The following FMN1 variants were observed in gnomAD, a reference collection of about 807,000 sequenced individuals.
FMN1 encodes formin 1, also known as formin-1.
In FMN1, 110 loss-of-function variants were observed where a neutral mutation model predicts 132.4. The observed-to-expected ratio is 0.83, with a 90% CI of 0.71 to 0.97. The LOEUF (loss-of-function observed/expected upper bound fraction) is 0.97, where lower values mean the gene tolerates loss of function less well. FMN1 is among the 50% of genes least tolerant of loss of function. The pLI is 0.00. For missense variants in FMN1, 1,792 were observed against 1,705.3 expected (o/e 1.05, Z -0.90); for synonymous variants, 722 against 651.7 (o/e 1.11, Z -1.64).
At chr15:32,889,043 G>A (rs1054632797) in intron 15 of FMN1, among the ~76,000 whole-genome samples, 8 of 151,890 alleles carry the variant, frequency 5.3e-5, no homozygotes, top group East Asian at 3.9e-4. Flanking sequence ...TTGTAGAGAC[G>A]GGGGTCTCAC....
At chr15:33,163,913 T>C (rs1247129672) in intron 3 of FMN1, among the ~76,000 whole-genome samples, 2 of 152,106 alleles carry the variant, frequency 1.3e-5, no homozygotes, top group African/African-American at 4.8e-5. Context: ...CCACTGCGCC[T>C]GGCCTGTTTT....
intron 9 of FMN1, among the ~76,000 whole-genome samples, chr15:32,949,119 T>C (rs1031351761): frequency 3.3e-5 from 5 of 152,138 alleles, no homozygotes; most frequent in African/African-American, 7.2e-5. Context: ...TAAAATTCCA[T>C]TATAATTACT....
chr15:32,887,909 A>G (rs765252765), intron 16 of FMN1, among the ~76,000 whole-genome samples: 2 of 152,190 alleles, frequency 1.3e-5, no homozygotes, highest in Admixed American at 1.3e-4. Flanking sequence ...TAATAATGTT[A>G]TAACTACTAA....
At position 32,767,906 on chromosome 15, in the gene FMN1, A is replaced by G. The variant is rs895942309; in HGVS notation, c.*6404T>C. The G allele has an allele frequency of 3.9e-5, 6 of 152,182 alleles. No individual in the cohort carries two copies. The highest frequency in any genetic ancestry group is 1.4e-4 in the African/African-American group (6 of 41,446). 9.4% of individuals were successfully genotyped at this position (152,182 alleles called of 1,614,324 possible). A position where few individuals can be genotyped will look rare whatever the true frequency, so the allele number is the denominator to read the frequency against. ...CCTTCCAAATATTATGCAGAACACA[A>G]TCTCAGTGGCGCTGAGCTACCTTCT... On this transcript the variant is annotated 3_prime_UTR_variant, in exon 21 of 21. Coordinates refer to ENST00000616417, the MANE Select transcript of FMN1 (RefSeq NM_001277313.2).
intron 17 of FMN1, among the ~76,000 whole-genome samples, chr15:32,828,477 G>C (rs1428897836): frequency 6.6e-6 from 1 of 151,258 alleles, no homozygotes; most frequent in African/African-American, 2.4e-5. Context: ...ATTGAAATGT[G>C]ATTTTGTAAT....
intron 9 of FMN1, among the ~76,000 whole-genome samples, chr15:32,951,327 C>T (rs946199852): frequency 2.0e-5 from 3 of 152,064 alleles, no homozygotes; most frequent in African/African-American, 7.2e-5. Flanking sequence ...CTTTTCCTTG[C>T]ATTGGGTGGT....
intron 4 of FMN1, among the ~76,000 whole-genome samples, chr15:33,142,784 C>A (rs999091108): frequency 2.0e-5 from 3 of 152,214 alleles, no homozygotes; most frequent in Admixed American, 6.5e-5. Flanking sequence ...AGCTGGTGAG[C>A]CTTGCAGAAC....
At chr15:32,860,198 GA>G (rs2059234830) in intron 16 of FMN1, among the ~76,000 whole-genome samples, 2 of 149,436 alleles carry the variant, frequency 1.3e-5, no homozygotes, top group African/African-American at 4.9e-5. Context: ...AGGAAGGAAG[GA>G]AGGAAAGAAA....
chr15:32,946,259 A>AT (rs1416423124), intron 9 of FMN1, among the ~76,000 whole-genome samples: 1 of 152,150 alleles, frequency 6.6e-6, no homozygotes, highest in Non-Finnish European at 1.5e-5. Flanking sequence ...ATACACTATC[A>AT]TTCAGGCTTT....
chr15:33,169,656 T>G (rs750857309), intron 3 of FMN1, among the ~76,000 whole-genome samples: 3 of 150,534 alleles, frequency 2.0e-5, no homozygotes, highest in African/African-American at 7.3e-5. Flanking sequence ...AAATATATAA[T>G]AAGTATAGCA....
At chr15:32,974,932 A>G (rs1476290977) in intron 7 of FMN1, among the ~76,000 whole-genome samples, 1 of 152,180 alleles carries the variant, frequency 6.6e-6, no homozygotes, top group East Asian at 1.9e-4. Context: ...AGACAAGCCT[A>G]AATTCTTTCC....
chr15:32,948,981 T>A (rs1156674428), intron 9 of FMN1, among the ~76,000 whole-genome samples: 1 of 152,058 alleles, frequency 6.6e-6, no homozygotes, highest in Non-Finnish European at 1.5e-5. Flanking sequence ...TTTTTCTAGT[T>A]ATTGATTTAA....
intron 17 of FMN1, among the ~76,000 whole-genome samples, chr15:32,851,879 A>C (rs1286541046): frequency 6.6e-6 from 1 of 152,224 alleles, no homozygotes; most frequent in African/African-American, 2.4e-5. Context: ...GTGACTTCTC[A>C]GGCATACAGA....
At chr15:32,789,559 A>T (rs956943741) in intron 19 of FMN1, among the ~76,000 whole-genome samples, 1 of 152,348 alleles carries the variant, frequency 6.6e-6, no homozygotes, top group East Asian at 1.9e-4. Flanking sequence ...CCTATTGCCT[A>T]GTGAAGTCAT....
chr15:32,998,945 G>C (rs1217078552), intron 7 of FMN1, among the ~76,000 whole-genome samples: 2 of 152,176 alleles, frequency 1.3e-5, no homozygotes, highest in African/African-American at 4.8e-5. Context: ...GAAAATTCAA[G>C]TCCAAATGTA....
chr15:33,014,000 A>G (rs1042490309), intron 6 of FMN1, among the ~76,000 whole-genome samples: 3 of 149,346 alleles, frequency 2.0e-5, no homozygotes, highest in Non-Finnish European at 4.5e-5. Flanking sequence ...GCTAACATCT[A>G]GGAAAGCATG....
intron 6 of FMN1, among the ~76,000 whole-genome samples, chr15:33,035,358 ATTT>A (rs562107966): frequency 6.6e-6 from 1 of 152,142 alleles, no homozygotes; most frequent in Non-Finnish European, 1.5e-5. Flanking sequence ...ATAAAAAATG[ATTT>A]TTTTCCTATC....
chr15:33,175,691 G>C (rs1388651252), intron 3 of FMN1, among the ~76,000 whole-genome samples: 2 of 152,096 alleles, frequency 1.3e-5, no homozygotes, highest in African/African-American at 2.4e-5. Flanking sequence ...TCAAAATTTA[G>C]TGCCCATTAA....
intron 6 of FMN1, among the ~76,000 whole-genome samples, chr15:33,046,574 G>A (rs343904): frequency 0.37 from 56,041 of 152,004 alleles, 10,823 homozygotes; most frequent in Admixed American, 0.47. Context: ...TCAGCAACTT[G>A]CAAAATTGAG....
Sources: gnomAD v4.1 joint callset for allele counts (sites outside exome capture counted in the v4.1 genomes callset) on GRCh38, gnomAD v4.1.1 for gene constraint, MANE v1.5 for transcripts, NCBI Gene and HGNC (gene_info 2026-07-23, HGNC 2026-07-21) for gene names.